The following KIT variants were observed in gnomAD, a reference collection of about 807,000 sequenced individuals.
The protein encoded by KIT is KIT proto-oncogene, receptor tyrosine kinase, also known as mast/stem cell growth factor receptor Kit.
Under a neutral mutation model 105.7 loss-of-function variants are expected in KIT, and 16 were observed. The observed-to-expected ratio is 0.15, with a 90% CI of 0.10 to 0.23. KIT has a LOEUF of 0.23. Among genes scored for constraint, KIT ranks in the 10% least tolerant of loss-of-function variants. KIT has a pLI of 1.00. For synonymous variants in KIT, 438 were observed against 441.1 expected, an observed-to-expected ratio of 0.99 and a Z score of 0.09; for missense variants, 858 against 1,213.8, an observed-to-expected ratio of 0.71 and a Z score of 4.36.
At chr4:54,699,900 G>T in intron 4 of KIT, 134 bp downstream of exon 4, 1 of 893,094 alleles carries the variant, frequency 1.1e-6, no homozygotes, top group Non-Finnish European at 1.8e-6. Flanking sequence ...GAGAGTGTTG[G>T]GATTGCATAT....
chr4:54,723,519 A>G, intron 7 of KIT, 65 bp from the exon 8 acceptor site: 2 of 998,696 alleles, frequency 2.0e-6, no homozygotes, highest in Non-Finnish European at 3.2e-6. Context: ...TTAGAGAGGG[A>G]GTGAAGTGAA....
rs199714489 is a variant in KIT at position 54,716,874 on chromosome 4, T to C, written c.1232-6710T>C. Among the ~76,000 whole-genome samples, 8 of 152,346 alleles carry C rather than the reference T, an allele frequency of 5.3e-5. No individual in the cohort carries two copies. In the East Asian group the frequency reaches 9.7e-4, roughly 18 times the overall value. ...TCTTCAACATACGATATGGCAGATA[T>C]ACTGTGCTGGCTTTCAGGACAGTTC... On this transcript the variant is annotated intron_variant, in intron 7 of 20. Coordinates refer to ENST00000288135, the MANE Select transcript of KIT (RefSeq NM_000222.3).
chr4:54,671,838 G>A (rs1057494278), intron 1 of KIT, among the ~76,000 whole-genome samples: 2 of 152,078 alleles, frequency 1.3e-5, no homozygotes, highest in African/African-American at 2.4e-5. Context: ...TAACCATCTA[G>A]CTTCAACACT....
intron 1 of KIT, among the ~76,000 whole-genome samples, chr4:54,673,078 T>C (rs1252120763): frequency 6.6e-6 from 1 of 152,238 alleles, no homozygotes; most frequent in Non-Finnish European, 1.5e-5. Flanking sequence ...GGAATGTTTT[T>C]CCACCTTTAT....
rs532461931 is a variant in KIT at position 54,698,474 on chromosome 4, A to G, written c.528A>G (p.Lys176=). 2.5e-6 allele frequency: 4 copies of G among 1,614,154 alleles called. No homozygotes were observed. The East Asian group carries it at 6.7e-5, about 27-fold the overall frequency. The change falls in exon 3 of 21, where the codon AAA becomes AAG. Residue 176 remains lysine, a synonymous_variant. Transcript: ENST00000288135. The stretch of plus-strand genomic sequence containing the variant: ...CGGGCATCATGATCAAAAGTGTGAA[A>G]CGCGCCTACCATCGGCTCTGTCTGC... ...PKAGIMIKSV[K]RAYHRLCLHC...
At chr4:54,672,490 A>G (rs1432792525) in intron 1 of KIT, among the ~76,000 whole-genome samples, 2 of 151,654 alleles carry the variant, frequency 1.3e-5, no homozygotes, top group South Asian at 2.1e-4. Flanking sequence ...TGTGGGGGCT[A>G]TTTTCCATTG....
At chr4:54,727,763 G>C in intron 11 of KIT, 60 bp from the exon 12 acceptor site, 4 of 1,393,736 alleles carry the variant, frequency 2.9e-6, no homozygotes, top group African/African-American at 1.4e-5. Context: ...CTGCACAAAT[G>C]GTCCTTCAAT....
intron 1 of KIT, among the ~76,000 whole-genome samples, chr4:54,663,095 G>T (rs1717412836): frequency 6.6e-6 from 1 of 151,358 alleles, no homozygotes; most frequent in South Asian, 2.1e-4. Context: ...CTTACATTTT[G>T]GTTATGACAC....
At chr4:54,677,558 C>T (rs1057208395) in intron 1 of KIT, among the ~76,000 whole-genome samples, 2 of 152,198 alleles carry the variant, frequency 1.3e-5, no homozygotes, top group African/African-American at 4.8e-5. Context: ...CCTCTTTCCT[C>T]GGGGCTTCCA....
chr4:54,658,071 C>T lies in KIT; in HGVS notation c.57C>T (p.Arg19=), dbSNP rs776887125. The T allele has an allele frequency of 6.2e-7, 1 of 1,613,954 alleles. No homozygotes were observed. ...DFLCVLLLLL[R]VQTGSSQPSV... ...TCTGCGTTCTGCTCCTACTGCTTCG[C>T]GTCCAGACAGGTGGGACACCGCGGC... is the stretch of plus-strand genomic sequence containing the variant. The change falls in exon 1 of 21, where the codon CGC becomes CGT. Residue 19 remains arginine (R), a synonymous_variant. Transcript: ENST00000288135.
intron 19 of KIT, 63 bp from the exon 20 acceptor site, chr4:54,737,112 C>T: frequency 1.9e-6 from 2 of 1,050,170 alleles, no homozygotes; most frequent in Admixed American, 3.4e-5. Context: ...TGCTGGATGC[C>T]CATACATTTG....
chr4:54,729,600 A>G, intron 14 of KIT, 115 bp downstream of exon 14: 2 of 931,254 alleles, frequency 2.1e-6, no homozygotes, highest in Non-Finnish European at 3.4e-6. Flanking sequence ...GAGGTATGAA[A>G]TCAAAATTAT....
chr4:54,731,525 T>G, intron 15 of KIT, 106 bp downstream of exon 15: 1 of 860,040 alleles, frequency 1.2e-6, no homozygotes, highest in Non-Finnish European at 2.0e-6. Context: ...TGCAGACCAG[T>G]TCTGCTTTAT....
intron 1 of KIT, among the ~76,000 whole-genome samples, chr4:54,678,940 C>T (rs964297109): frequency 1.3e-5 from 2 of 152,072 alleles, no homozygotes; most frequent in Non-Finnish European, 2.9e-5. Context: ...ACATGACCCC[C>T]TCCCCCACCT....
intron 9 of KIT, 78 bp downstream of exon 9, chr4:54,726,128 C>T: frequency 8.8e-7 from 1 of 1,138,230 alleles, no homozygotes; most frequent in Non-Finnish European, 1.3e-6. Context: ...AAGTTCATTC[C>T]AACATTGACC....
chr4:54,712,164 A>G (rs78435661), intron 7 of KIT, among the ~76,000 whole-genome samples: 2,550 of 152,310 alleles, frequency 0.017, 71 homozygotes, highest in African/African-American at 0.058. Context: ...AAGATTCCCA[A>G]TACATTGTGG....
intron 1 of KIT, among the ~76,000 whole-genome samples, chr4:54,672,996 C>T (rs367718540): frequency 8.5e-5 from 13 of 152,072 alleles, no homozygotes; most frequent in African/African-American, 3.1e-4. Context: ...CATAAAGTGG[C>T]GTCAAAATCT....
chr4:54,679,725 T>C (rs1397557562), intron 1 of KIT, among the ~76,000 whole-genome samples: 1 of 152,208 alleles, frequency 6.6e-6, no homozygotes, highest in East Asian at 1.9e-4. Context: ...AGATCATAAT[T>C]GAAGACAGGT....
intron 1 of KIT, among the ~76,000 whole-genome samples, 172 bp downstream of exon 1, chr4:54,658,253 C>G (rs928425656): frequency 6.6e-6 from 1 of 152,098 alleles, no homozygotes; most frequent in African/African-American, 2.4e-5. Flanking sequence ...GGCGCCCTGC[C>G]TCGCTCACCT....
Sources: gnomAD v4.1 joint callset for allele counts (sites outside exome capture counted in the v4.1 genomes callset) on GRCh38, gnomAD v4.1.1 for gene constraint, MANE v1.5 for transcripts, NCBI Gene and HGNC (gene_info 2026-07-23, HGNC 2026-07-21) for gene names.